FMN2: variants seen among roughly 807,000 people sequenced by gnomAD.
FMN2 encodes formin 2, also known as formin-2.
In FMN2, 51 loss-of-function variants were observed where a neutral mutation model predicts 142.3. The observed-to-expected ratio is 0.36, with a 90% CI of 0.29 to 0.45. The LOEUF (loss-of-function observed/expected upper bound fraction) is 0.45. FMN2 is among the 20% of genes least tolerant of loss of function. The pLI is 1.00. For missense variants in FMN2, 1,936 were observed against 2,122.8 expected (o/e 0.91, Z 1.73); for synonymous variants, 882 against 869.8 (o/e 1.01, Z -0.25).
intron 15 of FMN2, among the ~76,000 whole-genome samples, chr1:240,425,082 G>T (rs1338596062): frequency 6.6e-6 from 1 of 152,128 alleles, no homozygotes; most frequent in Admixed American, 6.5e-5. Flanking sequence ...TCTGATGGCG[G>T]TCAGTGCTGT....
rs552135436 is a variant in FMN2, at chr1:240,336,553, CAAAAAAAAAAA to C, written c.4765+2343_4765+2353del. On this transcript the variant is annotated intron_variant, in intron 13 of 17. Transcript: ENST00000319653. ...GTTAAAAGGACTTCATGGTATTCTC[CAAAAAAAAAAA>C]AAAAAAAAAAAAAAAAAAGGTGGTT... Among the ~76,000 whole-genome samples the C allele has an allele frequency of 8.1e-3, 411 of 50,530 alleles. No homozygotes were observed. The East Asian group carries it at 0.085, about 10-fold the overall frequency. 33.1% of individuals were successfully genotyped at this position (50,530 alleles called of 152,430 possible).
intron 6 of FMN2, among the ~76,000 whole-genome samples, chr1:240,216,409 G>T (rs932545739): frequency 6.6e-6 from 1 of 152,116 alleles, no homozygotes; most frequent in African/African-American, 2.4e-5. Context: ...ACTTGACATT[G>T]GTCTAACCAT....
intron 16 of FMN2, among the ~76,000 whole-genome samples, chr1:240,440,362 T>C (rs959846064): frequency 2.0e-5 from 3 of 152,164 alleles, no homozygotes; most frequent in Non-Finnish European, 4.4e-5. Context: ...TAACACATGC[T>C]CCATGAGATA....
intron 1 of FMN2, among the ~76,000 whole-genome samples, chr1:240,097,578 A>G (rs1389367881): frequency 6.6e-6 from 1 of 151,936 alleles, no homozygotes; most frequent in Non-Finnish European, 1.5e-5. Context: ...GATGGTCTTG[A>G]TCTCCTGACC....
At chr1:240,289,789 G>A (rs1480268642) in intron 7 of FMN2, among the ~76,000 whole-genome samples, 1 of 152,226 alleles carries the variant, frequency 6.6e-6, no homozygotes, top group Non-Finnish European at 1.5e-5. Flanking sequence ...TTTTGTTGAA[G>A]TGCTTTGTTT....
intron 15 of FMN2, among the ~76,000 whole-genome samples, chr1:240,408,706 T>A (rs1287063530): frequency 6.6e-6 from 1 of 152,190 alleles, no homozygotes; most frequent in African/African-American, 2.4e-5. Context: ...ATTATTTTTT[T>A]AATATTCAAT....
At chr1:240,331,121 A>G (rs931686070) in intron 11 of FMN2, among the ~76,000 whole-genome samples, 7 of 134,346 alleles carry the variant, frequency 5.2e-5, no homozygotes, top group Non-Finnish European at 8.1e-5. Context: ...ATTAGACAGT[A>G]TATCTTTTTT....
intron 16 of FMN2, among the ~76,000 whole-genome samples, chr1:240,453,574 C>T (rs1676129815): frequency 6.6e-6 from 1 of 152,040 alleles, no homozygotes; most frequent in East Asian, 1.9e-4. Flanking sequence ...CAGTGTTTTT[C>T]TCTCCATGAA....
chr1:240,320,226 C>T (rs1322628861), intron 8 of FMN2, among the ~76,000 whole-genome samples: 1 of 152,038 alleles, frequency 6.6e-6, no homozygotes, highest in East Asian at 1.9e-4. Flanking sequence ...GAAACGATGT[C>T]ATCTTGGAAG....
chr1:240,342,826 A>G (rs1446284457), intron 13 of FMN2, among the ~76,000 whole-genome samples: 1 of 152,234 alleles, frequency 6.6e-6, no homozygotes, highest in African/African-American at 2.4e-5. Context: ...GACTAAAAAG[A>G]GGACTGTTGA....
At chr1:240,299,251 G>GT (rs1223740617) in intron 8 of FMN2, among the ~76,000 whole-genome samples, 8 of 151,884 alleles carry the variant, frequency 5.3e-5, no homozygotes, top group South Asian at 4.1e-4. Flanking sequence ...CATGGCCTGA[G>GT]TTTTTATATT....
At chr1:240,245,366 G>A in intron 6 of FMN2, 1 of 393,808 alleles carries the variant, frequency 2.5e-6, no homozygotes, top group Admixed American at 3.0e-5. Context: ...CTGGGAGGAA[G>A]TGATGAGAAC....
chr1:240,316,923 T>G (rs1308161818), intron 8 of FMN2, among the ~76,000 whole-genome samples: 1 of 152,186 alleles, frequency 6.6e-6, no homozygotes, highest in Non-Finnish European at 1.5e-5. Context: ...CATGCACTCC[T>G]ACTGGGTGTG....
At chr1:240,112,707 C>CT (rs1661861313) in intron 1 of FMN2, among the ~76,000 whole-genome samples, 1 of 152,204 alleles carries the variant, frequency 6.6e-6, no homozygotes, top group South Asian at 2.1e-4. Flanking sequence ...GCTGCACCTG[C>CT]TGGGGGTGTG....
chr1:240,323,868 T>C (rs1671063507), intron 8 of FMN2, among the ~76,000 whole-genome samples: 1 of 152,140 alleles, frequency 6.6e-6, no homozygotes, highest in African/African-American at 2.4e-5. Flanking sequence ...CTCCTCAGGG[T>C]TCTCTTCATG....
At chr1:240,135,682 CT>C (rs201355071) in intron 2 of FMN2, among the ~76,000 whole-genome samples, 11,889 of 136,002 alleles carry the variant, frequency 0.087, 410 homozygotes, top group South Asian at 0.15. Context: ...TGTCATGTTT[CT>C]TTTTTTTTTT....
intron 16 of FMN2, among the ~76,000 whole-genome samples, chr1:240,440,602 C>A (rs1675577331): frequency 6.6e-6 from 1 of 152,146 alleles, no homozygotes; most frequent in Non-Finnish European, 1.5e-5. Context: ...TGCGAATTGG[C>A]AGTTTACAAG....
chr1:240,290,785 TTTTTTTTG>T (rs1410116545), intron 7 of FMN2, among the ~76,000 whole-genome samples: 2 of 105,440 alleles, frequency 1.9e-5, no homozygotes, highest in Non-Finnish European at 3.8e-5. Flanking sequence ...GTTTGGTTTT[TTTTTTTTG>T]TTTTTTTTTT....
intron 13 of FMN2, among the ~76,000 whole-genome samples, chr1:240,345,629 T>C (rs1671883272): frequency 6.6e-6 from 1 of 152,010 alleles, no homozygotes; most frequent in Non-Finnish European, 1.5e-5. Flanking sequence ...GATTACAGCA[T>C]GCACCACCAT....
Sources: allele counts gnomAD v4.1 joint callset (sites outside exome capture counted in the v4.1 genomes callset), GRCh38; gene constraint gnomAD v4.1.1; transcripts MANE v1.5; gene names NCBI Gene and HGNC (gene_info 2026-07-23, HGNC 2026-07-21).